GNA12: variants seen among roughly 807,000 people sequenced by gnomAD.
The protein encoded by GNA12 is G protein subunit alpha 12.
A neutral mutation model predicts 26.0 loss-of-function variants in GNA12; 9 were observed. That is an observed-to-expected ratio of 0.35 (90% confidence interval 0.21 to 0.60). The LOEUF (loss-of-function observed/expected upper bound fraction) is 0.60. Ranked by LOEUF, GNA12 falls within the 20% of genes least tolerant of loss-of-function variation. GNA12 has a pLI of 0.78. For synonymous variants in GNA12, 264 were observed against 219.6 expected (o/e 1.20, Z -1.79); for missense variants, 405 against 525.8 (o/e 0.77, Z 2.25).
intron 1 of GNA12, among the ~76,000 whole-genome samples, chr7:2,795,456 C>T (rs981142778): frequency 1.3e-5 from 2 of 152,104 alleles, no homozygotes; most frequent in Non-Finnish European, 2.9e-5. Context: ...CAGAGCAAGA[C>T]CCTGCTTCTA....
chr7:2,748,870 C>CA (rs1160307077), intron 2 of GNA12, among the ~76,000 whole-genome samples: 9 of 152,054 alleles, frequency 5.9e-5, no homozygotes, highest in Non-Finnish European at 1.5e-5. Flanking sequence ...AGACACTTCT[C>CA]AAAAAAAGAC....
intron 2 of GNA12, among the ~76,000 whole-genome samples, chr7:2,767,179 T>G (rs918928571): frequency 2.0e-5 from 3 of 152,230 alleles, no homozygotes; most frequent in South Asian, 2.1e-4. Flanking sequence ...TTTTCCCGTT[T>G]TATAGGCTGC....
chr7:2,789,431 G>A lies in GNA12; in HGVS notation c.525+5497C>T, dbSNP rs183693864. On this transcript the variant is annotated intron_variant, in intron 2 of 3. Transcript: ENST00000275364. ...ATTACAGGCGTGAGCCACCGCGCCC[G>A]GCCCCTTCAGGCATCTTTTACATGA... Among the ~76,000 whole-genome samples, 18 of 151,946 alleles carry A rather than the reference G, an allele frequency of 1.2e-4. 1 individual carries two copies. Among genetic ancestry groups the A allele is most frequent in the Admixed American group, 4.6e-4 (7 of 15,270 alleles).
intron 2 of GNA12, among the ~76,000 whole-genome samples, chr7:2,793,127 G>C (rs1482003985): frequency 6.6e-6 from 1 of 152,136 alleles, no homozygotes; most frequent in Non-Finnish European, 1.5e-5. Context: ...AACCCAAACA[G>C]GAAGATTCTA....
At chr7:2,735,209 A>G (rs1473650541) in intron 2 of GNA12, among the ~76,000 whole-genome samples, 1 of 152,140 alleles carries the variant, frequency 6.6e-6, no homozygotes, top group Non-Finnish European at 1.5e-5. Flanking sequence ...GTGCCACGCA[A>G]GCCCAAGAAG....
At chr7:2,737,181 G>C (rs557572247) in intron 2 of GNA12, among the ~76,000 whole-genome samples, 57 of 147,828 alleles carry the variant, frequency 3.9e-4, no homozygotes, top group Non-Finnish European at 7.3e-4. Flanking sequence ...TGGTTACAAA[G>C]AAAACAAACA....
intron 2 of GNA12, among the ~76,000 whole-genome samples, chr7:2,766,540 C>T (rs1791809466): frequency 6.6e-6 from 1 of 152,050 alleles, no homozygotes; most frequent in Admixed American, 6.6e-5. Context: ...CACCCACCAC[C>T]ATGCCCAGCT....
intron 1 of GNA12, among the ~76,000 whole-genome samples, chr7:2,823,081 C>T (rs1313045358): frequency 6.6e-6 from 1 of 152,170 alleles, no homozygotes; most frequent in Non-Finnish European, 1.5e-5. Context: ...AACTTTAATT[C>T]TCAGTAACTA....
At chr7:2,767,544 C>A (rs1455436460) in intron 2 of GNA12, among the ~76,000 whole-genome samples, 1 of 152,214 alleles carries the variant, frequency 6.6e-6, no homozygotes, top group Non-Finnish European at 1.5e-5. Flanking sequence ...CCATCAACAA[C>A]TGTGACATGA....
intron 2 of GNA12, among the ~76,000 whole-genome samples, chr7:2,771,792 T>C (rs912798088): frequency 3.9e-5 from 6 of 152,062 alleles, no homozygotes; most frequent in Admixed American, 1.3e-4. Flanking sequence ...TTGGTAAATA[T>C]CTACATGTGG....
intron 1 of GNA12, among the ~76,000 whole-genome samples, chr7:2,824,069 A>T (rs77129342): frequency 0.021 from 3,169 of 152,242 alleles, 116 homozygotes; most frequent in African/African-American, 0.073. Context: ...TGCCTGTCTC[A>T]AAAATGGTAT....
At chr7:2,795,889 C>T (rs1246765895) in intron 1 of GNA12, among the ~76,000 whole-genome samples, 2 of 150,268 alleles carry the variant, frequency 1.3e-5, no homozygotes, top group East Asian at 3.9e-4. Context: ...GGAGTGATCT[C>T]GGCTCACTGC....
intron 2 of GNA12, among the ~76,000 whole-genome samples, chr7:2,794,025 C>T (rs546614907): frequency 9.2e-5 from 14 of 152,116 alleles, no homozygotes; most frequent in African/African-American, 1.4e-4. Flanking sequence ...AGGGAAGAAC[C>T]GCTGCTATGT....
At chr7:2,804,096 T>C (rs1792882967) in intron 1 of GNA12, among the ~76,000 whole-genome samples, 1 of 152,134 alleles carries the variant, frequency 6.6e-6, no homozygotes, top group African/African-American at 2.4e-5. Context: ...TCCTCTTAAG[T>C]ACAGAAAAGA....
At chr7:2,776,681 C>T (rs1322363332) in intron 2 of GNA12, among the ~76,000 whole-genome samples, 1 of 152,210 alleles carries the variant, frequency 6.6e-6, no homozygotes, top group Non-Finnish European at 1.5e-5. Flanking sequence ...TGCATCACCT[C>T]AGCTTGGCCA....
rs1310898869 is a variant in GNA12, at chr7:2,731,325, G to A, written c.1002C>T (p.Cys334=). 1 of 1,614,060 alleles carries A rather than the reference G, an allele frequency of 6.2e-7. No homozygotes were observed. Among genetic ancestry groups the A allele is most frequent in the Non-Finnish European group, 8.5e-7 (1 of 1,180,000 alleles). ...LEDVQRYLVQ[C]FDRKRRNRSK... is the part of the protein sequence containing the mutation. The stretch of plus-strand genomic sequence containing the variant: ...TGCGGTTCCGTCTCTTCCTGTCGAA[G>A]CACTGGACCAGGTAGCGCTGGACGT... The change falls in exon 4 of 4, where the codon TGC becomes TGT. Residue 334 remains cysteine, a synonymous_variant. Transcript: ENST00000275364. This position sits in a 1 kb window ranked among gnomAD's most constrained non-coding sequence, Gnocchi z 6.0.
chr7:2,840,006 C>A (rs996813919), intron 1 of GNA12, among the ~76,000 whole-genome samples: 1 of 152,090 alleles, frequency 6.6e-6, no homozygotes, highest in Admixed American at 6.6e-5. Context: ...AAAACAACAA[C>A]AGAATAGATT....
At chr7:2,758,558 A>C (rs1055749085) in intron 2 of GNA12, among the ~76,000 whole-genome samples, 7 of 151,978 alleles carry the variant, frequency 4.6e-5, no homozygotes, top group Admixed American at 1.3e-4. Flanking sequence ...ACTTTCAGCT[A>C]AGCCAAAGGG....
chr7:2,801,154 C>G (rs1792799841), intron 1 of GNA12, among the ~76,000 whole-genome samples: 1 of 152,094 alleles, frequency 6.6e-6, no homozygotes, highest in South Asian at 2.1e-4. Flanking sequence ...CCATGCCCTC[C>G]CAATCAAGTC....
Sources: allele counts gnomAD v4.1 joint callset (sites outside exome capture counted in the v4.1 genomes callset), GRCh38; gene constraint gnomAD v4.1.1; non-coding constraint Gnocchi (gnomAD v3.1); transcripts MANE v1.5; gene names NCBI Gene and HGNC (gene_info 2026-07-23, HGNC 2026-07-21).